GRM3: variants seen among roughly 807,000 people sequenced by gnomAD.
The protein encoded by GRM3 is metabotropic glutamate receptor 3.
In GRM3, 26 loss-of-function variants were observed where a neutral mutation model predicts 70.5. The ratio of observed to expected loss-of-function variants is 0.37; its 90% CI spans 0.27 to 0.51. The LOEUF (loss-of-function observed/expected upper bound fraction) is 0.51, where lower values mean the gene tolerates loss of function less well. GRM3 is among the 20% of genes least tolerant of loss of function. The probability of loss-of-function intolerance (pLI) is 0.93; values close to 1 mark genes in which losing one functional copy is unlikely to be tolerated. For synonymous variants in GRM3, 443 were observed against 434.9 expected (o/e 1.02, Z -0.23); for missense variants, 859 against 1,123.8 (o/e 0.76, Z 3.37).
At chr7:86,707,582 T>C (rs925909770) in intron 1 of GRM3, among the ~76,000 whole-genome samples, 1 of 152,058 alleles carries the variant, frequency 6.6e-6, no homozygotes, top group Non-Finnish European at 1.5e-5. Context: ...ATATATGTAC[T>C]CCTGTCAGGG....
intron 1 of GRM3, among the ~76,000 whole-genome samples, chr7:86,683,237 G>A (rs1450281026): frequency 6.6e-6 from 1 of 152,186 alleles, no homozygotes; most frequent in Non-Finnish European, 1.5e-5. Context: ...GAGAGGAGAA[G>A]AGGAAGGAGT....
At chr7:86,757,645 T>C (rs1190661278) in intron 1 of GRM3, among the ~76,000 whole-genome samples, 1 of 152,166 alleles carries the variant, frequency 6.6e-6, no homozygotes, top group Non-Finnish European at 1.5e-5. Context: ...GCAACCACTT[T>C]AGCAGCTTAG....
Position 86,680,888 on chromosome 7 carries a change from A to G in GRM3, c.-141+36016A>G, listed in dbSNP as rs73398443. 3.5e-3 allele frequency among the ~76,000 whole-genome samples: 536 copies of G among 152,224 alleles called. 4 individuals are homozygous for G. The highest frequency in any genetic ancestry group is 0.012 in the African/African-American group (510 of 41,556). On this transcript the variant is annotated intron_variant, in intron 1 of 5. Transcript: ENST00000361669. ...AATTCCTAAATCCTGGCCTGCCCAC[A>G]TGTAATGTACCATTCCCCTTGGCAG...
At chr7:86,763,702 G>A (rs1416555405) in intron 1 of GRM3, among the ~76,000 whole-genome samples, 2 of 152,118 alleles carry the variant, frequency 1.3e-5, no homozygotes, top group Non-Finnish European at 2.9e-5. Context: ...TACCTGAGAT[G>A]TGACGACAAA....
intron 1 of GRM3, among the ~76,000 whole-genome samples, chr7:86,669,116 G>A (rs1184159276): frequency 6.6e-6 from 1 of 152,130 alleles, no homozygotes; most frequent in Admixed American, 6.6e-5. Flanking sequence ...TAACTAGATG[G>A]AATATGTAAT....
chr7:86,842,765 A>G (rs1166457569), intron 4 of GRM3, among the ~76,000 whole-genome samples: 1 of 152,196 alleles, frequency 6.6e-6, no homozygotes, highest in Non-Finnish European at 1.5e-5. Flanking sequence ...GATATTAAAC[A>G]AGAAAGAATT....
chr7:86,716,610 CAT>C (rs1427220147), intron 1 of GRM3, among the ~76,000 whole-genome samples: 1 of 150,776 alleles, frequency 6.6e-6, no homozygotes, highest in Non-Finnish European at 1.5e-5. Context: ...TATCTGCACA[CAT>C]GAGTCAAACA....
At chr7:86,696,227 C>T (rs1256818996) in intron 1 of GRM3, among the ~76,000 whole-genome samples, 1 of 152,152 alleles carries the variant, frequency 6.6e-6, no homozygotes, top group Non-Finnish European at 1.5e-5. Flanking sequence ...GCAAAAGAGA[C>T]TTAGATATGA....
intron 3 of GRM3, among the ~76,000 whole-genome samples, chr7:86,795,103 G>GTT (rs148457218): frequency 0.019 from 2,816 of 147,688 alleles, 76 homozygotes; most frequent in African/African-American, 0.066. Context: ...TCAAATGTAT[G>GTT]TTTTTTTTTT....
At position 86,725,934 on chromosome 7, in the gene GRM3, A is replaced by G. The variant is rs543286160; in HGVS notation, c.-140-39072A>G. Among the ~76,000 whole-genome samples, 9 of 152,258 alleles carry G rather than the reference A, an allele frequency of 5.9e-5. No individual in the cohort carries two copies. The East Asian group carries it at 1.7e-3, about 29-fold the overall frequency. On this transcript the variant is annotated intron_variant, in intron 1 of 5. Transcript: ENST00000361669. ...CTCTTCTTAGAAGGACACTAATCCCATTTATAAGACACTGCCCTCATGGCC... is the reference window on the plus strand; with the variant it reads ...CTCTTCTTAGAAGGACACTAATCCCGTTTATAAGACACTGCCCTCATGGCC...
chr7:86,776,480 C>T (rs529543638), intron 2 of GRM3, among the ~76,000 whole-genome samples: 42 of 152,040 alleles, frequency 2.8e-4, no homozygotes, highest in African/African-American at 9.2e-4. Context: ...GGTGAATATA[C>T]CTTTGCCCTA....
At chr7:86,797,180 G>A (rs549602668) in intron 3 of GRM3, among the ~76,000 whole-genome samples, 314 of 152,278 alleles carry the variant, frequency 2.1e-3, no homozygotes, top group Non-Finnish European at 3.5e-3. Flanking sequence ...ATGTGGAAGC[G>A]ACTTTGGAAC....
At chr7:86,755,935 T>C (rs967170516) in intron 1 of GRM3, among the ~76,000 whole-genome samples, 1 of 152,166 alleles carries the variant, frequency 6.6e-6, no homozygotes, top group Non-Finnish European at 1.5e-5. Context: ...ATATCTAATG[T>C]CTAGACTTAC....
chr7:86,672,093 C>T (rs1000307887), intron 1 of GRM3, among the ~76,000 whole-genome samples: 4 of 152,142 alleles, frequency 2.6e-5, no homozygotes, highest in Non-Finnish European at 5.9e-5. Flanking sequence ...AGCCAGGTCA[C>T]ATAAATTAAA....
rs147631173 is a variant in GRM3 at position 86,730,606 on chromosome 7, C to A, written c.-140-34400C>A. ...AAAAGTAGCTTTTCAGAAACATATT[C>A]CCAAATTAACTTCCAAAATAATTAC... On this transcript the variant is annotated intron_variant, in intron 1 of 5. Coordinates refer to ENST00000361669, the MANE Select transcript of GRM3 (RefSeq NM_000840.3). Among the ~76,000 whole-genome samples, 21 of 152,288 alleles carry A rather than the reference C, an allele frequency of 1.4e-4. No homozygotes were observed. In the East Asian group the frequency reaches 4.1e-3, roughly 29 times the overall value.
chr7:86,676,861 A>G (rs955852581), intron 1 of GRM3, among the ~76,000 whole-genome samples: 4 of 152,010 alleles, frequency 2.6e-5, no homozygotes, highest in African/African-American at 9.7e-5. Context: ...CCATCTTTTC[A>G]TCTGCTATTA....
intron 5 of GRM3, among the ~76,000 whole-genome samples, chr7:86,851,761 C>G (rs1798759200): frequency 6.6e-6 from 1 of 152,080 alleles, no homozygotes; most frequent in Non-Finnish European, 1.5e-5. Flanking sequence ...TCCAACGTGT[C>G]ACAAAAGTTG....
rs776686228 is a variant in GRM3, at chr7:86,786,906, G to T, written c.1114G>T (p.Val372Phe). 2 of 1,613,970 alleles carry T rather than the reference G, an allele frequency of 1.2e-6. No individual in the cohort carries two copies. The highest frequency in any genetic ancestry group is 1.7e-6 in the Non-Finnish European group (2 of 1,179,920). The change falls in exon 3 of 6, where the codon GTC becomes TTC. Residue 372 changes from valine (V) to phenylalanine (F), a missense_variant. Transcript: ENST00000361669. This position sits in a 1 kb window ranked among gnomAD's most constrained non-coding sequence, Gnocchi z 6.0. The part of the protein sequence containing the change: ...SLQNKRNHRR[V>F]CDKHLAIDSS... ...CCAGAACAAACGCAACCACAGGCGC[G>T]TCTGCGACAAGCACCTGGCCATCGA...
intron 3 of GRM3, among the ~76,000 whole-genome samples, chr7:86,792,312 C>T (rs1329122591): frequency 6.6e-6 from 1 of 152,108 alleles, no homozygotes; most frequent in East Asian, 1.9e-4. Flanking sequence ...CTTACTGAAG[C>T]ACATAAAAAT....
Sources: gnomAD v4.1 joint callset for allele counts (sites outside exome capture counted in the v4.1 genomes callset) on GRCh38, gnomAD v4.1.1 for gene constraint, Gnocchi (gnomAD v3.1) non-coding constraint, MANE v1.5 for transcripts, NCBI Gene and HGNC (gene_info 2026-07-23, HGNC 2026-07-21) for gene names.